Variants in KIAA1328 observed in about 807,000 individuals in gnomAD.
The protein encoded by KIAA1328 is KIAA1328, also known as protein hinderin.
KIAA1328 carries 52 observed loss-of-function variants against 68.1 expected under a neutral mutation model. That is an observed-to-expected ratio of 0.76 (90% CI 0.61 to 0.96). The LOEUF is 0.96. Among genes scored for constraint, KIAA1328 ranks in the 40% least tolerant of loss-of-function variants. The pLI, the probability that KIAA1328 is intolerant of heterozygous loss-of-function variation, is 0.00. For synonymous variants in KIAA1328, 232 were observed against 239.4 expected (o/e 0.97, Z 0.28); for missense variants, 641 against 677.6 (o/e 0.95, Z 0.60).
At chr18:37,002,416 C>T (rs972629657) in intron 6 of KIAA1328, among the ~76,000 whole-genome samples, 2 of 151,602 alleles carry the variant, frequency 1.3e-5, no homozygotes, top group Non-Finnish European at 2.9e-5. Context: ...GATGGAGTCT[C>T]ACTGTGTTGC....
intron 4 of KIAA1328, among the ~76,000 whole-genome samples, chr18:36,861,062 T>C (rs1277045920): frequency 3.9e-5 from 6 of 152,184 alleles, no homozygotes; most frequent in Admixed American, 1.3e-4. Flanking sequence ...GACTAGTGTT[T>C]TTTTGTAAAC....
chr18:37,208,878 A>T (rs1036268184), intron 9 of KIAA1328, among the ~76,000 whole-genome samples: 4 of 152,232 alleles, frequency 2.6e-5, no homozygotes, highest in Non-Finnish European at 4.4e-5. Flanking sequence ...ATTACAGAAC[A>T]TCATGGGACT....
chr18:36,883,532 T>A (rs1024970675), intron 4 of KIAA1328, among the ~76,000 whole-genome samples: 2 of 152,190 alleles, frequency 1.3e-5, no homozygotes, highest in African/African-American at 4.8e-5. Context: ...GAACAAGACC[T>A]CCTTGCATTA....
intron 6 of KIAA1328, among the ~76,000 whole-genome samples, chr18:37,008,251 A>T (rs1343991656): frequency 6.6e-6 from 1 of 152,208 alleles, no homozygotes; most frequent in South Asian, 2.1e-4. Flanking sequence ...CATTTTGTGT[A>T]TGGGCAACAC....
At chr18:37,175,219 A>G (rs368508893) in intron 9 of KIAA1328, among the ~76,000 whole-genome samples, 6 of 152,130 alleles carry the variant, frequency 3.9e-5, no homozygotes, top group African/African-American at 1.4e-4. Flanking sequence ...TTAAAATGAG[A>G]TCTTTAACAC....
Position 36,853,703 on chromosome 18 carries a change from G to A in KIAA1328, c.332+9401G>A, listed in dbSNP as rs55883955. On this transcript the variant is annotated intron_variant, in intron 4 of 9. Coordinates refer to ENST00000280020, the MANE Select transcript of KIAA1328 (RefSeq NM_020776.3). ...TGACAGAGTCTTGCTCTGTTGCCCA[G>A]GCTGGAGTGCAATGGCACAATCCTG... Among the ~76,000 whole-genome samples the A allele has an allele frequency of 2.5e-3, 387 of 151,868 alleles. 3 individuals are homozygous for A. The highest frequency in any genetic ancestry group is 8.9e-3 in the African/African-American group (370 of 41,404).
intron 9 of KIAA1328, among the ~76,000 whole-genome samples, chr18:37,184,392 G>T (rs1441902007): frequency 1.3e-5 from 2 of 152,190 alleles, no homozygotes; most frequent in Non-Finnish European, 2.9e-5. Context: ...GGAGTTAATT[G>T]CATAGACAAT....
At chr18:37,010,208 G>T (rs2053924807) in intron 6 of KIAA1328, among the ~76,000 whole-genome samples, 1 of 151,976 alleles carries the variant, frequency 6.6e-6, no homozygotes, top group Admixed American at 6.6e-5. Context: ...ACTTTGGGAG[G>T]CCGAGGCGGG....
chr18:36,940,973 C>T (rs2050689391), intron 5 of KIAA1328, among the ~76,000 whole-genome samples: 1 of 152,014 alleles, frequency 6.6e-6, no homozygotes. Flanking sequence ...CATGCACAGC[C>T]GAGTGCTCAT....
At chr18:37,190,443 G>C (rs1393842214) in intron 9 of KIAA1328, among the ~76,000 whole-genome samples, 1 of 152,140 alleles carries the variant, frequency 6.6e-6, no homozygotes, top group African/African-American at 2.4e-5. Context: ...CTTTGTAGAG[G>C]AAGAAATGGT....
rs1406673401 is a variant in KIAA1328, at chr18:36,829,148, G to T, written c.10G>T (p.Val4Leu). The T allele has an allele frequency of 5.9e-6, 9 of 1,533,936 alleles. No homozygotes were observed. Among genetic ancestry groups the T allele is most frequent in the Non-Finnish European group, 8.8e-7 (1 of 1,142,276 alleles). MAD[V>L]AGPSRPSAAA... ...TGGCGGTTGTTTCAAGATGGCGGACGTGGCGGGCCCCTCCCGCCCCAGTGC... is the reference window on the plus strand; with the variant it reads ...TGGCGGTTGTTTCAAGATGGCGGACTTGGCGGGCCCCTCCCGCCCCAGTGC... The change falls in exon 1 of 10, where the codon GTG becomes TTG. Residue 4 changes from valine (V) to leucine (L), a missense_variant. By Grantham distance (32) the Val-to-Leu change is conservative. Coordinates refer to ENST00000280020, the MANE Select transcript of KIAA1328 (RefSeq NM_020776.3).
At chr18:37,215,469 G>A (rs568347336) in intron 9 of KIAA1328, among the ~76,000 whole-genome samples, 512 of 152,272 alleles carry the variant, frequency 3.4e-3, no homozygotes, top group Non-Finnish European at 5.9e-3. Flanking sequence ...TGCGTATGTC[G>A]AACCAGCCTT....
At chr18:36,869,229 G>A (rs1306015249) in intron 4 of KIAA1328, among the ~76,000 whole-genome samples, 2 of 152,108 alleles carry the variant, frequency 1.3e-5, no homozygotes, top group Non-Finnish European at 2.9e-5. Context: ...TAGGCAGTAT[G>A]CCAAAATCCA....
Position 36,899,801 on chromosome 18 carries a change from T to C in KIAA1328, c.448+14129T>C, listed in dbSNP as rs539966228. ...CAAAGGCACATTTTCTATATTTGAA[T>C]TCCTGCTCTGTAAGCATTTTCTTGC... On this transcript the variant is annotated intron_variant, in intron 5 of 9. Transcript: ENST00000280020. 2.6e-5 allele frequency among the ~76,000 whole-genome samples: 4 copies of C among 152,104 alleles called. No individual in the cohort carries two copies. The East Asian group carries it at 7.7e-4, about 29-fold the overall frequency.
At chr18:37,063,692 T>C (rs2056238999) in intron 6 of KIAA1328, 1 of 984,666 alleles carries the variant, frequency 1.0e-6, no homozygotes, top group Admixed American at 6.1e-5. Flanking sequence ...TAAGCTGTAC[T>C]ACCTCTCAAA....
At chr18:37,044,415 CAT>C (rs1269427227) in intron 6 of KIAA1328, among the ~76,000 whole-genome samples, 2 of 151,990 alleles carry the variant, frequency 1.3e-5, no homozygotes, top group Non-Finnish European at 2.9e-5. Flanking sequence ...TATAAGATGA[CAT>C]ATATATTTCT....
chr18:37,120,142 T>C (rs192998689), intron 7 of KIAA1328, among the ~76,000 whole-genome samples: 31 of 152,218 alleles, frequency 2.0e-4, no homozygotes, highest in Admixed American at 7.2e-4. Context: ...AAAGACAATA[T>C]AATATGCAAA....
chr18:37,186,822 T>C (rs1408490998), intron 9 of KIAA1328, among the ~76,000 whole-genome samples: 1 of 152,172 alleles, frequency 6.6e-6, no homozygotes, highest in Non-Finnish European at 1.5e-5. Flanking sequence ...AGGCTTTCAT[T>C]GATTTTCTTG....
intron 6 of KIAA1328, among the ~76,000 whole-genome samples, chr18:37,065,370 A>AC (rs1409120461): frequency 6.6e-6 from 1 of 152,218 alleles, no homozygotes; most frequent in Non-Finnish European, 1.5e-5. Context: ...AGCTTTCACT[A>AC]AAGACTGAAT....
Sources: gnomAD v4.1 joint callset for allele counts (sites outside exome capture counted in the v4.1 genomes callset) on GRCh38, gnomAD v4.1.1 for gene constraint, MANE v1.5 for transcripts, NCBI Gene and HGNC (gene_info 2026-07-23, HGNC 2026-07-21) for gene names.